Variants in VPS13B observed in about 807,000 individuals in gnomAD.
VPS13B encodes the protein vacuolar protein sorting 13 homolog B, also known as intermembrane lipid transfer protein VPS13B.
A neutral mutation model predicts 426.4 loss-of-function variants in VPS13B; 285 were observed. The observed-to-expected ratio is 0.67, with a 90% CI of 0.61 to 0.74. The LOEUF (loss-of-function observed/expected upper bound fraction) is 0.74. Ranked by LOEUF, VPS13B falls within the 30% of genes least tolerant of loss-of-function variation. VPS13B has a pLI of 0.00. For synonymous variants in VPS13B, 1,676 were observed against 1,676.4 expected (o/e 1.00, Z 0.01); for missense variants, 4,537 against 4,782.6 (o/e 0.95, Z 1.51).
intron 3 of VPS13B, among the ~76,000 whole-genome samples, chr8:99,095,772 GA>G (rs925609092): frequency 6.6e-6 from 1 of 152,048 alleles, no homozygotes; most frequent in Non-Finnish European, 1.5e-5. Flanking sequence ...TACTCATATT[GA>G]AACCCAGTTA....
At chr8:99,503,287 C>G (rs1317054915) in intron 27 of VPS13B, among the ~76,000 whole-genome samples, 1 of 152,116 alleles carries the variant, frequency 6.6e-6, no homozygotes, top group Non-Finnish European at 1.5e-5. Context: ...TCTGAGCATT[C>G]AATGAGTCAT....
rs765921655 is a variant in VPS13B at position 99,848,742 on chromosome 8, C to A, written c.9943-34C>A. Reference sequence around the variant, plus strand: ...GCCACTTCAATAGTGTTTCTTATTTCTTTTTAATCAGATTTTGAATATTCT... The same window carrying A: ...GCCACTTCAATAGTGTTTCTTATTTATTTTTAATCAGATTTTGAATATTCT... On this transcript the variant is annotated intron_variant, in intron 54 of 61. Coordinates refer to ENST00000357162, the MANE Select transcript of VPS13B (RefSeq NM_152564.5). The A allele has an allele frequency of 2.5e-6, 4 of 1,601,286 alleles. No individual in the cohort carries two copies. In the East Asian group the frequency reaches 8.9e-5, roughly 36 times the overall value.
rs34752686 is a variant in VPS13B, at chr8:99,474,183, A to ATTTTTTTTTTTTTT, written c.3666+6556_3666+6569dup. On this transcript the variant is annotated intron_variant, in intron 24 of 61. Transcript: ENST00000357162. ...TCTTCAAACAATGGACTGTTATCCAATTTTTTTTTTTTTTTTTTTTGTGGA... is the reference window on the plus strand; with the variant it reads ...TCTTCAAACAATGGACTGTTATCCAATTTTTTTTTTTTTTTTTTTTTTTTTTTTTTTTTTGTGGA... Among the ~76,000 whole-genome samples the ATTTTTTTTTTTTTT allele has an allele frequency of 2.1e-3, 260 of 124,920 alleles. 17 individuals carry two copies. Among genetic ancestry groups the ATTTTTTTTTTTTTT allele is most frequent in the African/African-American group, 7.8e-3 (240 of 30,714 alleles). The allele number at this position is 124,920 out of a possible 152,430, so 82.0% of individuals were successfully genotyped here. A position where few individuals can be genotyped will look rare whatever the true frequency, so the allele number is the denominator to read the frequency against.
At chr8:99,378,729 G>A (rs1813633391) in intron 19 of VPS13B, among the ~76,000 whole-genome samples, 1 of 152,138 alleles carries the variant, frequency 6.6e-6, no homozygotes, top group African/African-American at 2.4e-5. Flanking sequence ...TACCTTCAGT[G>A]CTTGAGGATA....
At chr8:99,621,677 G>C (rs1421578474) in intron 33 of VPS13B, among the ~76,000 whole-genome samples, 2 of 152,078 alleles carry the variant, frequency 1.3e-5, no homozygotes, top group African/African-American at 4.8e-5. Flanking sequence ...CCCTTGTCTA[G>C]AAAGCTCTTA....
intron 21 of VPS13B, among the ~76,000 whole-genome samples, chr8:99,406,654 G>C (rs1409841844): frequency 6.6e-6 from 1 of 152,170 alleles, no homozygotes; most frequent in Non-Finnish European, 1.5e-5. Context: ...AGGATATTAA[G>C]ATAAAATTTT....
At chr8:99,388,700 C>T (rs919307185) in intron 20 of VPS13B, among the ~76,000 whole-genome samples, 3 of 152,190 alleles carry the variant, frequency 2.0e-5, no homozygotes, top group Non-Finnish European at 2.9e-5. Flanking sequence ...TATTTGGTAT[C>T]ACTTAATGCC....
At chr8:99,421,377 G>T (rs1816362925) in intron 21 of VPS13B, among the ~76,000 whole-genome samples, 1 of 152,110 alleles carries the variant, frequency 6.6e-6, no homozygotes, top group Non-Finnish European at 1.5e-5. Flanking sequence ...TAAATCTGAT[G>T]TTTTCTGAAC....
chr8:99,038,679 C>CT lies in VPS13B; in HGVS notation c.291+139dup, dbSNP rs34774482. On this transcript the variant is annotated intron_variant, in intron 3 of 61. Transcript: ENST00000357162. Reference sequence around the variant, plus strand: ...ACATAAACATATCTTAGCTTATATACTTTTTTTTTTTTTTTTTTTTTTTTT... The same window carrying CT: ...ACATAAACATATCTTAGCTTATATACTTTTTTTTTTTTTTTTTTTTTTTTTT... 5,312 of 167,818 alleles carry CT rather than the reference C, an allele frequency of 0.032. 317 individuals are homozygous for CT. The highest frequency in any genetic ancestry group is 0.066 in the African/African-American group (1,084 of 16,306). The allele number at this position is 167,818 out of a possible 1,614,324, so 10.4% of individuals were successfully genotyped here. A position where few individuals can be genotyped will look rare whatever the true frequency, so the allele number is the denominator to read the frequency against.
intron 13 of VPS13B, among the ~76,000 whole-genome samples, chr8:99,144,709 C>T (rs1384112262): frequency 6.6e-6 from 1 of 152,084 alleles, no homozygotes; most frequent in Non-Finnish European, 1.5e-5. Context: ...ACTTGAATGC[C>T]TACCCTGTGC....
chr8:99,540,273 G>A (rs1823543494), intron 30 of VPS13B, among the ~76,000 whole-genome samples: 1 of 150,226 alleles, frequency 6.7e-6, no homozygotes, highest in East Asian at 1.9e-4. Flanking sequence ...TAGAGATGGG[G>A]TTTCACCATG....
chr8:99,852,199 A>G (rs1816330456), intron 55 of VPS13B, among the ~76,000 whole-genome samples: 1 of 152,232 alleles, frequency 6.6e-6, no homozygotes, highest in Non-Finnish European at 1.5e-5. Flanking sequence ...ATTTAGGAGG[A>G]AAGATCAAGA....
At chr8:99,534,601 AATT>A (rs1823098161) in intron 30 of VPS13B, among the ~76,000 whole-genome samples, 1 of 152,164 alleles carries the variant, frequency 6.6e-6, no homozygotes, top group Non-Finnish European at 1.5e-5. Flanking sequence ...TATCATGTGA[AATT>A]ATTATCTAAA....
intron 12 of VPS13B, among the ~76,000 whole-genome samples, chr8:99,141,219 TG>T (rs1319475116): frequency 6.6e-6 from 1 of 152,192 alleles, no homozygotes; most frequent in Non-Finnish European, 1.5e-5. Flanking sequence ...AGTAAATAGC[TG>T]AAAATATATA....
chr8:99,545,947 T>C (rs780843367), intron 30 of VPS13B, among the ~76,000 whole-genome samples: 25 of 152,054 alleles, frequency 1.6e-4, no homozygotes, highest in Admixed American at 1.5e-3. Context: ...GATTGATACT[T>C]TTCCTTAAAG....
intron 17 of VPS13B, among the ~76,000 whole-genome samples, chr8:99,200,008 C>T (rs1047137023): frequency 3.3e-5 from 5 of 152,136 alleles, no homozygotes; most frequent in Non-Finnish European, 7.4e-5. Flanking sequence ...TTTCCAGCAT[C>T]CCTGAATGAA....
At chr8:99,532,936 G>C (rs923480986) in intron 30 of VPS13B, among the ~76,000 whole-genome samples, 8 of 149,218 alleles carry the variant, frequency 5.4e-5, no homozygotes, top group Admixed American at 3.3e-4. Flanking sequence ...ATTCACTGAG[G>C]GGTGTTTTTT....
chr8:99,156,149 T>C (rs1811347965), intron 14 of VPS13B, among the ~76,000 whole-genome samples: 1 of 152,178 alleles, frequency 6.6e-6, no homozygotes, highest in Non-Finnish European at 1.5e-5. Context: ...ATTTAGTTCT[T>C]TAGTCAGCTA....
At chr8:99,835,915 A>T (rs1347097948) in intron 54 of VPS13B, among the ~76,000 whole-genome samples, 177 bp downstream of exon 54, 1 of 152,232 alleles carries the variant, frequency 6.6e-6, no homozygotes, top group Admixed American at 6.5e-5. Context: ...AAACTCAAGT[A>T]TGTATCTGCA....
Sources: gnomAD v4.1 joint callset for allele counts (sites outside exome capture counted in the v4.1 genomes callset) on GRCh38, gnomAD v4.1.1 for gene constraint, MANE v1.5 for transcripts, NCBI Gene and HGNC (gene_info 2026-07-23, HGNC 2026-07-21) for gene names.